The following WDR1 variants were observed in gnomAD, a reference collection of about 807,000 sequenced individuals.
WDR1 encodes the protein WD repeat-containing protein 1.
Under a neutral mutation model 71.9 loss-of-function variants are expected in WDR1, and 21 were observed. The ratio of observed to expected loss-of-function variants is 0.29; its 90% CI spans 0.21 to 0.42. The LOEUF is 0.42. Ranked by LOEUF, WDR1 falls within the 10% of genes least tolerant of loss-of-function variation. WDR1 has a pLI of 1.00. For missense variants in WDR1, 696 were observed against 824.5 expected (o/e 0.84, Z 1.91); for synonymous variants, 424 against 347.4 (o/e 1.22, Z -2.45).
In WDR1 at chr4:10,074,972, T is replaced by C. The variant is rs555920418; in HGVS notation, c.*406A>G. On this transcript the variant is annotated 3_prime_UTR_variant, in exon 15 of 15. Transcript: ENST00000499869. Reference sequence around the variant, plus strand: ...TTCCCTCTTCTCACTAGTACAGAAATGTTCTGCAGGCAGGAACATGAGCCC... The same window carrying C: ...TTCCCTCTTCTCACTAGTACAGAAACGTTCTGCAGGCAGGAACATGAGCCC... 3 of 247,830 alleles carry C rather than the reference T, an allele frequency of 1.2e-5. No homozygotes were observed. Among genetic ancestry groups the C allele is most frequent in the East Asian group, 1.6e-4 (2 of 12,540 alleles). 15.4% of individuals were successfully genotyped at this position (247,830 alleles called of 1,614,324 possible).
intron 5 of WDR1, chr4:10,095,852 AG>A (rs1712319926): frequency 6.6e-6 from 1 of 152,318 alleles, no homozygotes; most frequent in Non-Finnish European, 1.5e-5. Context: ...GCTCTGTGCC[AG>A]GCCACAGCCC....
In WDR1 at chr4:10,077,913, C is replaced by G; in HGVS notation, c.1409G>C (p.Arg470Pro). 6.2e-7 allele frequency: 1 copy of G among 1,606,192 alleles called. No homozygotes were observed. Among genetic ancestry groups the G allele is most frequent in the Non-Finnish European group, 8.5e-7 (1 of 1,175,558 alleles). The change falls in exon 13 of 15, where the codon CGC (arginine) becomes CCC (proline). Residue 470 changes from arginine to proline, a missense_variant. Transcript: ENST00000499869. The part of the protein sequence containing the change: ...VAIGGVDGNV[R>P]LYSILGTTLK... ...CGTGGTGCCCAGGATGGAATACAGG[C>G]GGACGTTGCCGTCCTACGGCAGGGA...
chr4:10,112,785 T>A (rs1235062679), intron 2 of WDR1, among the ~76,000 whole-genome samples: 2 of 152,224 alleles, frequency 1.3e-5, no homozygotes, highest in Non-Finnish European at 2.9e-5. Flanking sequence ...GGCTTTTTAA[T>A]CAATGAGTAA....
In WDR1 at chr4:10,078,936, A is replaced by C; in HGVS notation, c.1350T>G (p.Val450=). The C allele has an allele frequency of 6.2e-7, 1 of 1,612,880 alleles. No individual in the cohort carries two copies. The highest frequency in any genetic ancestry group is 8.5e-7 in the Non-Finnish European group (1 of 1,179,372). The change falls in exon 12 of 15, where the codon GTT becomes GTG. Residue 450 remains valine, a synonymous_variant. Coordinates refer to ENST00000499869, the MANE Select transcript of WDR1 (RefSeq NM_017491.5). ...SIDNPGYEPE[V]VAVHPGGDTV... ...TGTCCCCGCCGGGGTGCACTGCCAC[A>C]ACTTCGGGCTCGTAGCCGGGGTTGT...
At chr4:10,115,826 G>A (rs538241221) in intron 2 of WDR1, 17 of 372,184 alleles carry the variant, frequency 4.6e-5, no homozygotes, top group African/African-American at 2.7e-4. Context: ...AGGCCTGACC[G>A]TGCTTAGCTT....
intron 2 of WDR1, among the ~76,000 whole-genome samples, chr4:10,111,031 C>G (rs560199494): frequency 1.3e-5 from 2 of 152,242 alleles, no homozygotes; most frequent in Non-Finnish European, 2.9e-5. Flanking sequence ...CACCACGCAA[C>G]GGAACCTGCG....
rs1037214684 is a variant in WDR1, at chr4:10,084,633, C to T, written c.952-103G>A. On this transcript the variant is annotated intron_variant, in intron 8 of 14. Coordinates refer to ENST00000499869, the MANE Select transcript of WDR1 (RefSeq NM_017491.5). ...GCTTCTGGGTAATGGAGGGGGCAGA[C>T]GCCCCTCAATCCATGGCAGTGCAGG... The T allele has an allele frequency of 4.6e-5, 49 of 1,072,824 alleles. No individual in the cohort carries two copies. In the Admixed American group the frequency reaches 7.1e-4, roughly 16 times the overall value. The allele number at this position is 1,072,824 out of a possible 1,614,324, so 66.5% of individuals were successfully genotyped here.
In WDR1 at chr4:10,077,992, A is replaced by AG. The variant is rs772393514; in HGVS notation, c.1396-67dup. 1.1e-4 allele frequency: 162 copies of AG among 1,479,468 alleles called. 1 individual carries two copies. Among genetic ancestry groups the AG allele is most frequent in the East Asian group, 9.9e-4 (40 of 40,506 alleles). The allele number at this position is 1,479,468 out of a possible 1,614,324, so 91.6% of individuals were successfully genotyped here. A position where few individuals can be genotyped will look rare whatever the true frequency, so the allele number is the denominator to read the frequency against. On this transcript the variant is annotated intron_variant, in intron 12 of 14. Transcript: ENST00000499869. ...CACACACCACACCCATCCTTTGTGA[A>AG]GGGGGGGTCGAGGGCTTAAGAAACT...
At chr4:10,114,796 C>T (rs1344381985) in intron 2 of WDR1, among the ~76,000 whole-genome samples, 1 of 152,202 alleles carries the variant, frequency 6.6e-6, no homozygotes, top group African/African-American at 2.4e-5. Context: ...GTTGTTAGCA[C>T]CTTCAAAGCA....
intron 6 of WDR1, 92 bp downstream of exon 6, chr4:10,088,572 C>G: frequency 8.0e-7 from 1 of 1,246,578 alleles, no homozygotes; most frequent in Non-Finnish European, 1.2e-6. Flanking sequence ...TTCTGCATGT[C>G]AGGACTAGCA....
chr4:10,114,610 G>A (rs980500417), intron 2 of WDR1, among the ~76,000 whole-genome samples: 2 of 152,174 alleles, frequency 1.3e-5, no homozygotes, highest in Non-Finnish European at 2.9e-5. Context: ...ACGTGTTAGT[G>A]GATTTTATTT....
At chr4:10,101,794 C>T (rs961681291) in intron 3 of WDR1, among the ~76,000 whole-genome samples, 1 of 152,266 alleles carries the variant, frequency 6.6e-6, no homozygotes, top group Non-Finnish European at 1.5e-5. Flanking sequence ...CCCTTGCCAA[C>T]TGCATTCCTC....
intron 5 of WDR1, among the ~76,000 whole-genome samples, 162 bp from the exon 6 acceptor site, chr4:10,088,903 C>G (rs1316838069): frequency 6.6e-6 from 1 of 152,254 alleles, no homozygotes; most frequent in African/African-American, 2.4e-5. Context: ...TGGGCAGTCC[C>G]TTAGTGGAGG....
intron 8 of WDR1, among the ~76,000 whole-genome samples, chr4:10,085,032 A>G (rs1038302097): frequency 1.3e-5 from 2 of 152,202 alleles, no homozygotes; most frequent in African/African-American, 4.8e-5. Flanking sequence ...TCACTGTAAA[A>G]GCCCAAGGCT....
intron 5 of WDR1, among the ~76,000 whole-genome samples, chr4:10,097,324 C>A (rs906345622): frequency 2.0e-5 from 3 of 152,268 alleles, no homozygotes; most frequent in Non-Finnish European, 4.4e-5. Flanking sequence ...TCTGGATGTC[C>A]CGCAAGCTCC....
chr4:10,096,805 C>T (rs967451228), intron 5 of WDR1, among the ~76,000 whole-genome samples: 5 of 149,748 alleles, frequency 3.3e-5, no homozygotes, highest in African/African-American at 9.8e-5. Context: ...AAGAGGAGTC[C>T]CGAGAACTTG....
At chr4:10,091,629 G>C (rs1022664000) in intron 5 of WDR1, 3 of 152,388 alleles carry the variant, frequency 2.0e-5, no homozygotes, top group African/African-American at 7.2e-5. Flanking sequence ...CTCCAGCCCA[G>C]AGTCATCCCA....
chr4:10,088,557 C>CGA, intron 6 of WDR1, 107 bp downstream of exon 6: 1 of 1,184,056 alleles, frequency 8.4e-7, no homozygotes, highest in Non-Finnish European at 1.2e-6. Flanking sequence ...AGGGCGATGT[C>CGA]TAAGTTCTGC....
intron 5 of WDR1, among the ~76,000 whole-genome samples, chr4:10,089,013 C>T (rs945438073): frequency 6.6e-6 from 1 of 152,202 alleles, no homozygotes; most frequent in Non-Finnish European, 1.5e-5. Context: ...GTTATGCCCC[C>T]CCCAGTGAGG....
Sources: allele counts gnomAD v4.1 joint callset (sites outside exome capture counted in the v4.1 genomes callset), GRCh38; gene constraint gnomAD v4.1.1; transcripts MANE v1.5; gene names NCBI Gene and HGNC (gene_info 2026-07-23, HGNC 2026-07-21).